AJAP1: variants seen among roughly 807,000 people sequenced by gnomAD.
The protein encoded by AJAP1 is adherens junctions associated protein 1.
In AJAP1, 5 loss-of-function variants were observed where a neutral mutation model predicts 35.0. The ratio of observed to expected loss-of-function variants is 0.14; its 90% CI spans 0.07 to 0.30. The LOEUF is 0.30. Ranked by LOEUF, AJAP1 falls within the 10% of genes least tolerant of loss-of-function variation. The pLI is 1.00. For missense variants in AJAP1, 586 were observed against 571.0 expected (o/e 1.03, Z -0.27); for synonymous variants, 284 against 249.3 (o/e 1.14, Z -1.31).
intron 1 of AJAP1, among the ~76,000 whole-genome samples, chr1:4,657,815 G>C (rs1234376806): frequency 6.6e-6 from 1 of 151,774 alleles, no homozygotes; most frequent in Non-Finnish European, 1.5e-5. Context: ...TGTATGTGGA[G>C]CTTTTTTTTT....
At chr1:4,717,537 G>T (rs960082308) in intron 2 of AJAP1, among the ~76,000 whole-genome samples, 1 of 152,178 alleles carries the variant, frequency 6.6e-6, no homozygotes, top group African/African-American at 2.4e-5. Context: ...TCCAAGTCTG[G>T]CCTGGAAATT....
intron 1 of AJAP1, among the ~76,000 whole-genome samples, chr1:4,685,705 C>T (rs1259649915): frequency 6.6e-6 from 1 of 152,244 alleles, no homozygotes; most frequent in Non-Finnish European, 1.5e-5. Context: ...TCCTTGGCGC[C>T]ATGTTAGGGT....
intron 1 of AJAP1, among the ~76,000 whole-genome samples, chr1:4,710,424 G>A (rs1640204516): frequency 6.6e-6 from 1 of 151,588 alleles, no homozygotes; most frequent in South Asian, 2.1e-4. Context: ...CACACAGCTT[G>A]ACCCACACGC....
intron 2 of AJAP1, among the ~76,000 whole-genome samples, chr1:4,714,392 C>T (rs1031650604): frequency 1.2e-4 from 18 of 152,338 alleles, no homozygotes; most frequent in African/African-American, 4.1e-4. Flanking sequence ...TCAGTAAACT[C>T]AGCAGCCATC....
In AJAP1 at chr1:4,785,843, T is replaced by A. The variant is rs180790766; in HGVS notation, c.*3358T>A. 2.1e-4 allele frequency: 32 copies of A among 152,314 alleles called. No homozygotes were observed. The highest frequency in any genetic ancestry group is 5.3e-4 in the African/African-American group (22 of 41,564). The allele number at this position is 152,314 out of a possible 1,614,324, so 9.4% of individuals were successfully genotyped here. The stretch of plus-strand genomic sequence containing the variant: ...GTTCCCCAGTTTTCGTCCACTTCCA[T>A]CTTATTCCTCGGAGATCCCGCAATT... On this transcript the variant is annotated 3_prime_UTR_variant, in exon 6 of 6. Transcript: ENST00000378191.
chr1:4,666,675 T>C (rs79909744), intron 1 of AJAP1, among the ~76,000 whole-genome samples: 1 of 134,526 alleles, frequency 7.4e-6, no homozygotes, highest in Non-Finnish European at 1.6e-5. Context: ...CACCAGAGGG[T>C]TGCAGAGAGA....
chr1:4,721,407 G>A (rs1009143376), intron 2 of AJAP1, among the ~76,000 whole-genome samples: 2 of 152,200 alleles, frequency 1.3e-5, no homozygotes, highest in African/African-American at 4.8e-5. Context: ...GAAGATTCCT[G>A]GTCTTCTTGA....
intron 2 of AJAP1, among the ~76,000 whole-genome samples, chr1:4,719,635 C>G (rs1311127762): frequency 3.3e-5 from 5 of 152,102 alleles, no homozygotes; most frequent in African/African-American, 7.2e-5. Flanking sequence ...CCTCCACCTC[C>G]CGGCAGCTCA....
rs1248822277 is a variant in AJAP1, at chr1:4,783,486, T to TATATAC, written c.*1006_*1007insCATATA. 2.2e-5 allele frequency: 3 copies of TATATAC among 133,472 alleles called. No homozygotes were observed. Among genetic ancestry groups the TATATAC allele is most frequent in the African/African-American group, 8.7e-5 (3 of 34,462 alleles). 8.3% of individuals were successfully genotyped at this position (133,472 alleles called of 1,614,324 possible). A position where few individuals can be genotyped will look rare whatever the true frequency, so the allele number is the denominator to read the frequency against. On this transcript the variant is annotated 3_prime_UTR_variant, in exon 6 of 6. Transcript: ENST00000378191. Reference sequence around the variant, plus strand: ...ATATGTGTGTGTATATATATATATATATATATATATATATATATATATATG... The same window carrying TATATAC: ...ATATGTGTGTGTATATATATATATATATATACATATATATATATATATATATATATG...
intron 1 of AJAP1, among the ~76,000 whole-genome samples, chr1:4,658,871 C>G (rs72637556): frequency 9.8e-5 from 15 of 152,326 alleles, no homozygotes; most frequent in Non-Finnish European, 1.6e-4. Context: ...TCCCTGGAGG[C>G]AGAGCAGCGC....
intron 1 of AJAP1, among the ~76,000 whole-genome samples, chr1:4,679,661 C>G (rs1163090055): frequency 6.6e-6 from 1 of 152,144 alleles, no homozygotes; most frequent in African/African-American, 2.4e-5. Context: ...TGCTGGCAGT[C>G]CTTGGTGTTT....
intron 2 of AJAP1, among the ~76,000 whole-genome samples, chr1:4,727,400 TAATGTCTCCCTTA>T (rs1287389521): frequency 6.6e-6 from 1 of 152,198 alleles, no homozygotes; most frequent in Non-Finnish European, 1.5e-5. Flanking sequence ...CGGAGAAAGC[TAATGTCTCCCTTA>T]AATGGCGTTG....
chr1:4,700,590 G>A (rs1053515710), intron 1 of AJAP1, among the ~76,000 whole-genome samples: 2 of 152,198 alleles, frequency 1.3e-5, no homozygotes, highest in Non-Finnish European at 2.9e-5. Flanking sequence ...TGCCCCATTC[G>A]CGTCTTTTGC....
chr1:4,689,475 A>G (rs549775578), intron 1 of AJAP1, among the ~76,000 whole-genome samples: 48 of 152,294 alleles, frequency 3.2e-4, no homozygotes, highest in African/African-American at 1.2e-3. Context: ...GATCATGCAC[A>G]GGGCAGAGGG....
chr1:4,682,745 TTGG>T (rs892673858), intron 1 of AJAP1, among the ~76,000 whole-genome samples: 3 of 151,282 alleles, frequency 2.0e-5, no homozygotes, highest in Admixed American at 6.6e-5. Context: ...ACTGGTGGTG[TTGG>T]TGGTGGTGAT....
intron 2 of AJAP1, among the ~76,000 whole-genome samples, chr1:4,769,041 A>G (rs1479440482): frequency 3.3e-5 from 5 of 152,206 alleles, no homozygotes; most frequent in East Asian, 1.9e-4. Context: ...GTGTCAGCAA[A>G]CAGCTCATGA....
chr1:4,725,160 C>T (rs1009936771), intron 2 of AJAP1, among the ~76,000 whole-genome samples: 3 of 152,192 alleles, frequency 2.0e-5, no homozygotes, highest in African/African-American at 7.2e-5. Flanking sequence ...AGACAGCGGC[C>T]TGCAGCAGGA....
intron 1 of AJAP1, among the ~76,000 whole-genome samples, chr1:4,705,789 C>T (rs1458291225): frequency 6.6e-6 from 1 of 152,128 alleles, no homozygotes; most frequent in Non-Finnish European, 1.5e-5. Flanking sequence ...GAAACCATCA[C>T]AGCCAAGAGG....
chr1:4,713,173 C>T (rs185179651), intron 2 of AJAP1, among the ~76,000 whole-genome samples: 10 of 152,320 alleles, frequency 6.6e-5, no homozygotes, highest in East Asian at 1.9e-4. Context: ...GGGGCATGGA[C>T]GGGGGCAGGG....
Sources: gnomAD v4.1 joint callset for allele counts (sites outside exome capture counted in the v4.1 genomes callset) on GRCh38, gnomAD v4.1.1 for gene constraint, MANE v1.5 for transcripts, NCBI Gene and HGNC (gene_info 2026-07-23, HGNC 2026-07-21) for gene names.